VDAC1: variants seen among roughly 807,000 people sequenced by gnomAD.
VDAC1 encodes voltage dependent anion channel 1, also known as non-selective voltage-gated ion channel VDAC1.
Under a neutral mutation model 34.7 loss-of-function variants are expected in VDAC1, and 10 were observed. The observed-to-expected ratio is 0.29, with a 90% CI of 0.18 to 0.49. VDAC1 has a LOEUF of 0.49. Ranked by LOEUF, VDAC1 falls within the 20% of genes least tolerant of loss-of-function variation. The pLI is 0.99. For synonymous variants in VDAC1, 130 were observed against 136.0 expected, an observed-to-expected ratio of 0.96 and a Z score of 0.30; for missense variants, 230 against 347.9, an observed-to-expected ratio of 0.66 and a Z score of 2.69.
the VDAC1 span, among the ~76,000 whole-genome samples, chr5:134,051,295 C>T: frequency 6.6e-6 from 1 of 152,362 alleles, no homozygotes; most frequent in East Asian, 1.9e-4. Flanking sequence ...CTCTCAGAGT[C>T]CACAGCAGCT....
intron 1 of VDAC1, among the ~76,000 whole-genome samples, chr5:133,998,660 T>C (rs767675333): frequency 3.9e-5 from 6 of 152,180 alleles, no homozygotes; most frequent in Non-Finnish European, 7.3e-5. Flanking sequence ...TCCATACAGA[T>C]TGCAAGAACA....
chr5:134,064,690 A>G, the VDAC1 span, among the ~76,000 whole-genome samples: 2,047 of 150,444 alleles, frequency 0.014, 61 homozygotes, highest in African/African-American at 0.047. Context: ...AACTAACATA[A>G]AACTATTCAA....
At chr5:134,024,567 T>A in the VDAC1 span, among the ~76,000 whole-genome samples, 2 of 143,342 alleles carry the variant, frequency 1.4e-5, no homozygotes. Context: ...GGCTAATTCC[T>A]CCCAACCACT....
the VDAC1 span, among the ~76,000 whole-genome samples, chr5:134,110,615 A>C: frequency 6.6e-6 from 1 of 152,222 alleles, no homozygotes; most frequent in Non-Finnish European, 1.5e-5. Context: ...GCTCCATGGG[A>C]AGTGCTCCTG....
the VDAC1 span, among the ~76,000 whole-genome samples, chr5:134,049,843 G>T: frequency 2.0e-5 from 3 of 151,934 alleles, no homozygotes; most frequent in African/African-American, 7.3e-5. Flanking sequence ...GGCCTCCCAC[G>T]GTGCTGGGAT....
At chr5:134,081,630 G>A in the VDAC1 span, among the ~76,000 whole-genome samples, 3 of 152,158 alleles carry the variant, frequency 2.0e-5, no homozygotes, top group Admixed American at 6.5e-5. Flanking sequence ...AAATAAATAA[G>A]AGACTACTCA....
chr5:134,105,001 G>A, the VDAC1 span, among the ~76,000 whole-genome samples: 2 of 152,278 alleles, frequency 1.3e-5, no homozygotes, highest in South Asian at 2.1e-4. Flanking sequence ...GCACTCTGAC[G>A]CCCCCGCCTT....
chr5:134,102,498 G>A, the VDAC1 span, among the ~76,000 whole-genome samples: 10 of 151,838 alleles, frequency 6.6e-5, no homozygotes, highest in South Asian at 2.1e-4. Flanking sequence ...GAGAAACCCC[G>A]TCTCTACTAA....
chr5:134,026,529 A>C, the VDAC1 span, among the ~76,000 whole-genome samples: 4 of 151,702 alleles, frequency 2.6e-5, no homozygotes, highest in East Asian at 3.9e-4. Context: ...AAAAAAAAAA[A>C]AAAAAAAAAA....
At chr5:133,982,705 C>T (rs1752746397) in intron 5 of VDAC1, among the ~76,000 whole-genome samples, 1 of 152,056 alleles carries the variant, frequency 6.6e-6, no homozygotes, top group Non-Finnish European at 1.5e-5. Flanking sequence ...GCCTGGCCAA[C>T]ATGGCAAAAC....
chr5:134,104,298 G>C, the VDAC1 span, among the ~76,000 whole-genome samples: 2 of 152,228 alleles, frequency 1.3e-5, no homozygotes, highest in African/African-American at 4.8e-5. Context: ...AAGAAGGGAG[G>C]TGACTTGCTC....
upstream of VDAC1, among the ~76,000 whole-genome samples, chr5:134,006,283 G>T (rs1464547009): frequency 6.6e-5 from 10 of 152,208 alleles, no homozygotes; most frequent in African/African-American, 2.2e-4. Context: ...ACTGAGACTG[G>T]TGGGCAGGGG....
rs777445861 is a variant in VDAC1 at position 133,992,270 on chromosome 5, T to C, written c.117+36A>G. On this transcript the variant is annotated intron_variant, in intron 3 of 8. Transcript: ENST00000265333. ...ATAAATAAAATAAAATAAAAATAAA[T>C]AAATACTCATGTTCCATGTGGGTTG... 34 of 1,374,654 alleles carry C rather than the reference T, an allele frequency of 2.5e-5. 1 individual carries two copies. Among genetic ancestry groups the C allele is most frequent in the Non-Finnish European group, 2.9e-5 (31 of 1,051,522 alleles). 85.2% of individuals were successfully genotyped at this position (1,374,654 alleles called of 1,614,324 possible). A position where few individuals can be genotyped will look rare whatever the true frequency, so the allele number is the denominator to read the frequency against.
intron 5 of VDAC1, among the ~76,000 whole-genome samples, chr5:133,984,307 T>G (rs572083382): frequency 2.0e-5 from 3 of 151,988 alleles, no homozygotes; most frequent in African/African-American, 7.2e-5. Context: ...GCAATCTGCC[T>G]GCCTTAGCCT....
At chr5:134,053,915 A>G in the VDAC1 span, among the ~76,000 whole-genome samples, 2 of 152,220 alleles carry the variant, frequency 1.3e-5, no homozygotes, top group Non-Finnish European at 2.9e-5. Flanking sequence ...GTACAGCAAC[A>G]GAGAAGTCTT....
At chr5:134,082,725 C>T in the VDAC1 span, among the ~76,000 whole-genome samples, 8 of 152,268 alleles carry the variant, frequency 5.3e-5, no homozygotes, top group South Asian at 4.1e-4. Flanking sequence ...ATGGTCAGTT[C>T]GGGTTTTCTT....
intron 1 of VDAC1, among the ~76,000 whole-genome samples, chr5:133,998,869 C>T (rs1295424177): frequency 6.6e-6 from 1 of 152,202 alleles, no homozygotes; most frequent in African/African-American, 2.4e-5. Flanking sequence ...ACTCCTCCTG[C>T]CCTACCTCTC....
chr5:134,047,666 A>G, the VDAC1 span, among the ~76,000 whole-genome samples: 2 of 152,120 alleles, frequency 1.3e-5, no homozygotes, highest in Non-Finnish European at 2.9e-5. Flanking sequence ...GCTGCAACCC[A>G]TTGGGGTGTT....
chr5:134,109,071 G>A, the VDAC1 span, among the ~76,000 whole-genome samples: 2 of 152,100 alleles, frequency 1.3e-5, no homozygotes, highest in African/African-American at 2.4e-5. Flanking sequence ...GTTGCCTGAC[G>A]GCAGGTACGG....
Sources: gnomAD v4.1 joint callset for allele counts (sites outside exome capture counted in the v4.1 genomes callset) on GRCh38, gnomAD v4.1.1 for gene constraint, MANE v1.5 for transcripts, NCBI Gene and HGNC (gene_info 2026-07-23, HGNC 2026-07-21) for gene names.